TMEM182: variants seen among roughly 807,000 people sequenced by gnomAD.
TMEM182 encodes transmembrane protein 182.
A neutral mutation model predicts 26.8 loss-of-function variants in TMEM182; 20 were observed. The ratio of observed to expected loss-of-function variants is 0.75; its 90% CI spans 0.53 to 1.09. The LOEUF (loss-of-function observed/expected upper bound fraction) is 1.09, where lower values mean the gene tolerates loss of function less well. TMEM182 is among the 50% of genes least tolerant of loss of function. TMEM182 has a pLI of 0.00. For synonymous variants in TMEM182, 109 were observed against 102.2 expected (o/e 1.07, Z -0.40); for missense variants, 277 against 275.5 (o/e 1.01, Z -0.04).
At chr2:102,781,311 G>A (rs1420960709) in intron 3 of TMEM182, among the ~76,000 whole-genome samples, 2 of 152,178 alleles carry the variant, frequency 1.3e-5, no homozygotes, top group Non-Finnish European at 2.9e-5. Flanking sequence ...GTTGCTATTA[G>A]TAGAGATAGA....
chr2:102,798,425 G>C (rs1558778536), intron 4 of TMEM182, among the ~76,000 whole-genome samples: 1 of 152,090 alleles, frequency 6.6e-6, no homozygotes, highest in Non-Finnish European at 1.5e-5. Flanking sequence ...ATATGATATG[G>C]GTAGGCATTT....
At chr2:102,774,361 T>C (rs907118604) in intron 3 of TMEM182, among the ~76,000 whole-genome samples, 2 of 148,048 alleles carry the variant, frequency 1.4e-5, no homozygotes, top group Non-Finnish European at 3.0e-5. Context: ...GTTCAAGCAA[T>C]TCTCCTGCTT....
rs935265866 is a variant in TMEM182, at chr2:102,834,745, A to G, written c.326-8667A>G. ...CTCAGGGCTCCTGCAGGTCCAGAGC[A>G]GTCCAGCATATAAGCAGGTGACTTG... is the stretch of plus-strand genomic sequence containing the variant. On this transcript the variant is annotated intron_variant, in intron 3 of 3. Transcript: ENST00000486293. Among the ~76,000 whole-genome samples, 8 of 152,332 alleles carry G rather than the reference A, an allele frequency of 5.3e-5. No homozygotes were observed. The South Asian group carries it at 8.3e-4, about 16-fold the overall frequency.
At chr2:102,830,589 A>G (rs549496652) in intron 3 of TMEM182, among the ~76,000 whole-genome samples, 2 of 152,218 alleles carry the variant, frequency 1.3e-5, no homozygotes, top group African/African-American at 4.8e-5. Flanking sequence ...ATATATATTT[A>G]TGGGGTACAT....
At chr2:102,836,307 C>T (rs373578045) in intron 3 of TMEM182, among the ~76,000 whole-genome samples, 2 of 152,166 alleles carry the variant, frequency 1.3e-5, no homozygotes, top group East Asian at 1.9e-4. Flanking sequence ...GAAGAAACCT[C>T]CAAATTATCT....
intron 3 of TMEM182, among the ~76,000 whole-genome samples, chr2:102,784,389 AC>A (rs1681300519): frequency 6.6e-6 from 1 of 152,038 alleles, no homozygotes; most frequent in Non-Finnish European, 1.5e-5. Context: ...CTTACTGAAA[AC>A]ACTCCCATGC....
At chr2:102,770,143 C>T (rs1287359780) in intron 3 of TMEM182, among the ~76,000 whole-genome samples, 1 of 151,986 alleles carries the variant, frequency 6.6e-6, no homozygotes, top group African/African-American at 2.4e-5. Flanking sequence ...AAAGACAGCC[C>T]ACAAATGAGG....
chr2:102,779,952 G>T (rs1338257233), intron 3 of TMEM182, among the ~76,000 whole-genome samples: 1 of 152,052 alleles, frequency 6.6e-6, no homozygotes, highest in African/African-American at 2.4e-5. Context: ...GCAGTGAGCC[G>T]AGATTGCGTC....
intron 3 of TMEM182, among the ~76,000 whole-genome samples, chr2:102,786,500 A>C (rs1429546560): frequency 1.3e-5 from 2 of 152,194 alleles, no homozygotes; most frequent in Non-Finnish European, 2.9e-5. Context: ...GGTGTGAGCC[A>C]CCGCGTCCAG....
intron 3 of TMEM182, among the ~76,000 whole-genome samples, chr2:102,773,526 C>T (rs573737627): frequency 1.5e-4 from 16 of 109,192 alleles, no homozygotes; most frequent in Middle Eastern, 4.1e-3. Context: ...TGATGGGTGA[C>T]AACAACAGAA....
chr2:102,736,993 A>G (rs1573474037), exon 1 of TMEM182: 1 of 624,402 alleles, frequency 1.6e-6, no homozygotes, highest in South Asian at 2.0e-5. Context: ...CAAGGTGGGG[A>G]CTGGGCACAT....
chr2:102,783,124 T>C (rs1355844055), intron 3 of TMEM182, among the ~76,000 whole-genome samples: 2 of 152,210 alleles, frequency 1.3e-5, no homozygotes, highest in Non-Finnish European at 1.5e-5. Context: ...CAGCTTGCTA[T>C]GTTGAGTAGC....
At chr2:102,810,844 A>G (rs2104751835) in intron 4 of TMEM182, among the ~76,000 whole-genome samples, 1 of 152,272 alleles carries the variant, frequency 6.6e-6, no homozygotes, top group Non-Finnish European at 1.5e-5. Context: ...TATATATTGC[A>G]GTATTTTCTA....
intron 4 of TMEM182, among the ~76,000 whole-genome samples, chr2:102,812,387 A>G (rs1205508816): frequency 3.5e-4 from 2 of 5,658 alleles, no homozygotes; most frequent in East Asian, 3.3e-3. Flanking sequence ...ACACATGTAC[A>G]CACACACACA....
At chr2:102,784,098 A>C (rs1681286044) in intron 3 of TMEM182, among the ~76,000 whole-genome samples, 1 of 152,190 alleles carries the variant, frequency 6.6e-6, no homozygotes, top group Non-Finnish European at 1.5e-5. Flanking sequence ...CAACCCTCTC[A>C]GCCCATCAGC....
At chr2:102,757,128 T>C (rs1680064844), upstream of TMEM182, among the ~76,000 whole-genome samples, 1 of 151,984 alleles carries the variant, frequency 6.6e-6, no homozygotes, top group Non-Finnish European at 1.5e-5. Context: ...ATTCTTAAGA[T>C]TGGCAAGGAG....
At chr2:102,743,351 G>T (rs990956980) in intron 1 of TMEM182, among the ~76,000 whole-genome samples, 1 of 152,004 alleles carries the variant, frequency 6.6e-6, no homozygotes, top group African/African-American at 2.4e-5. Flanking sequence ...ACCAGAGAAG[G>T]GCCAGGCATA....
chr2:102,756,748 A>T (rs1208345050), intron 1 of TMEM182, among the ~76,000 whole-genome samples: 1 of 152,162 alleles, frequency 6.6e-6, no homozygotes, highest in Non-Finnish European at 1.5e-5. Context: ...GAGTTGAGCC[A>T]TTGGCTCAAG....
At chr2:102,778,137 CTA>C (rs2104690694) in intron 3 of TMEM182, among the ~76,000 whole-genome samples, 1 of 152,044 alleles carries the variant, frequency 6.6e-6, no homozygotes, top group Admixed American at 6.5e-5. Flanking sequence ...GTGGATTTGT[CTA>C]TCTCCCTTTT....
Sources: allele counts gnomAD v4.1 joint callset (sites outside exome capture counted in the v4.1 genomes callset), GRCh38; gene constraint gnomAD v4.1.1; transcripts MANE v1.5; gene names NCBI Gene and HGNC (gene_info 2026-07-23, HGNC 2026-07-21).